ACOX3: variants seen among roughly 807,000 people sequenced by gnomAD.
The protein encoded by ACOX3 is acyl-CoA oxidase 3, pristanoyl, also known as peroxisomal acyl-coenzyme A oxidase 3.
In ACOX3, 73 loss-of-function variants were observed where a neutral mutation model predicts 81.5. The observed-to-expected ratio is 0.90, with a 90% confidence interval of 0.74 to 1.09. The LOEUF is 1.09. ACOX3 is among the 50% of genes least tolerant of loss of function. The probability of loss-of-function intolerance (pLI) is 0.00; values close to 1 mark genes in which losing one functional copy is unlikely to be tolerated. For missense variants in ACOX3, 947 were observed against 928.0 expected (o/e 1.02, Z -0.27); for synonymous variants, 387 against 375.1 (o/e 1.03, Z -0.37).
At chr4:8,356,986 C>A in the ACOX3 span, 1 of 454,176 alleles carries the variant, frequency 2.2e-6, no homozygotes, top group East Asian at 7.0e-5. Flanking sequence ...ATGACCCTGG[C>A]AGATGAGGGG....
chr4:8,411,624 C>T (rs539396031), intron 5 of ACOX3, among the ~76,000 whole-genome samples: 15 of 152,344 alleles, frequency 9.8e-5, no homozygotes, highest in African/African-American at 2.9e-4. Flanking sequence ...CGGCCCAAGC[C>T]GGCTCCTCGG....
rs149489764 is a variant in ACOX3 at position 8,373,409 on chromosome 4, G to A, written c.1896+152C>T. 1.8e-3 allele frequency: 1,368 copies of A among 761,314 alleles called. 3 individuals carry two copies. The highest frequency in any genetic ancestry group is 2.5e-3 in the Non-Finnish European group (1,142 of 460,166). 47.2% of individuals were successfully genotyped at this position (761,314 alleles called of 1,614,324 possible). On this transcript the variant is annotated intron_variant, in intron 16 of 17. Coordinates refer to ENST00000356406, the MANE Select transcript of ACOX3 (RefSeq NM_003501.3). ...CGTGTCGGTCTGGGTAAGGGGGTGC[G>A]TGTAGGCTCTGGGTGACGCTAAGGG...
chr4:8,372,383 A>C (rs1006027477), intron 16 of ACOX3, among the ~76,000 whole-genome samples: 1 of 152,192 alleles, frequency 6.6e-6, no homozygotes, highest in Non-Finnish European at 1.5e-5. Context: ...TACAGGAATG[A>C]GCCACCACAC....
chr4:8,436,134 G>A (rs1724224465), intron 1 of ACOX3: 1 of 152,106 alleles, frequency 6.6e-6, no homozygotes, highest in African/African-American at 2.4e-5. Context: ...TACTAAACTG[G>A]AAACACCCTG....
chr4:8,372,260 A>G (rs1716307522), intron 16 of ACOX3, among the ~76,000 whole-genome samples: 1 of 152,126 alleles, frequency 6.6e-6, no homozygotes. Context: ...AAGCCTGGCT[A>G]ATTTTTTAAA....
rs1718205351 is a variant in ACOX3 at position 8,385,553 on chromosome 4, G to T, written c.1537+3620C>A. ...CCCACTGCAGGAAGCAACAGCACAG[G>T]CCCCCAAGGCACAGGGCTGTGACAC... On this transcript the variant is annotated intron_variant, in intron 13 of 17. Transcript: ENST00000356406. This position sits in a 1 kb window ranked among gnomAD's most constrained non-coding sequence, Gnocchi z 5.5. Among the ~76,000 whole-genome samples, 1 of 152,222 alleles carries T rather than the reference G, an allele frequency of 6.6e-6. No individual in the cohort carries two copies. The highest frequency in any genetic ancestry group is 2.4e-5 in the African/African-American group (1 of 41,460).
rs567626859 is a variant in ACOX3 at position 8,396,979 on chromosome 4, G to A, written c.1014C>T (p.Pro338=). ...GCACTGGTATTTCCTCCTCCTCTGT[G>A]GGTCCAAACTGACGCCGAGTGGCTG... ...RFSATRRQFG[P]TEEEEIPVLE... is the part of the protein sequence containing the mutation. Residue 338 remains proline (P), a synonymous_variant, in exon 9 of 18, where the codon CCC becomes CCT. Coordinates refer to ENST00000356406, the MANE Select transcript of ACOX3 (RefSeq NM_003501.3). 10 of 1,611,828 alleles carry A rather than the reference G, an allele frequency of 6.2e-6. No homozygotes were observed. Among genetic ancestry groups the A allele is most frequent in the Non-Finnish European group, 7.6e-6 (9 of 1,179,254 alleles).
chr4:8,372,807 C>T (rs185484123), intron 16 of ACOX3, among the ~76,000 whole-genome samples: 5 of 152,340 alleles, frequency 3.3e-5, no homozygotes, highest in Admixed American at 3.3e-4. Context: ...GCACTCAGTC[C>T]AGTTCCTAGC....
At chr4:8,418,517 T>A (rs1722586948) in intron 1 of ACOX3, among the ~76,000 whole-genome samples, 2 of 145,326 alleles carry the variant, frequency 1.4e-5, no homozygotes, top group South Asian at 2.2e-4. Flanking sequence ...AAAAACCAAT[T>A]AAAAAATGGG....
chr4:8,378,673 A>G (rs1371333924), intron 14 of ACOX3, among the ~76,000 whole-genome samples: 1 of 152,240 alleles, frequency 6.6e-6, no homozygotes, highest in Non-Finnish European at 1.5e-5. Flanking sequence ...TTTTGTATCT[A>G]CTGGCTGTTG....
At chr4:8,425,588 C>T (rs201960075) in intron 1 of ACOX3, among the ~76,000 whole-genome samples, 2 of 149,836 alleles carry the variant, frequency 1.3e-5, no homozygotes, top group East Asian at 2.0e-4. Flanking sequence ...AATCCCCTGC[C>T]TTATCGCCAA....
intron 6 of ACOX3, among the ~76,000 whole-genome samples, chr4:8,408,891 T>TGGGGGGGGGGG (rs200811549): frequency 7.8e-5 from 2 of 25,790 alleles, no homozygotes; most frequent in Admixed American, 4.9e-4. Context: ...GAGCCCTCAC[T>TGGGGGGGGGGG]GGGGGGGGGG....
intron 8 of ACOX3, among the ~76,000 whole-genome samples, chr4:8,397,350 C>T (rs1460032805): frequency 6.6e-6 from 1 of 152,194 alleles, no homozygotes; most frequent in African/African-American, 2.4e-5. Flanking sequence ...CACCCAGCTG[C>T]CTGGAGAAGG....
intron 6 of ACOX3, among the ~76,000 whole-genome samples, chr4:8,408,132 C>T (rs925720619): frequency 3.3e-5 from 5 of 152,114 alleles, no homozygotes; most frequent in Admixed American, 3.3e-4. Flanking sequence ...TCTGTCAATT[C>T]ACCATCTAAC....
At chr4:8,433,960 G>C (rs370340018) in intron 1 of ACOX3, among the ~76,000 whole-genome samples, 1 of 152,248 alleles carries the variant, frequency 6.6e-6, no homozygotes, top group East Asian at 1.9e-4. Flanking sequence ...AAGACAGGAG[G>C]AAAGAGAGAA....
At chr4:8,404,295 G>C (rs941153471) in intron 7 of ACOX3, among the ~76,000 whole-genome samples, 1 of 152,212 alleles carries the variant, frequency 6.6e-6, no homozygotes, top group African/African-American at 2.4e-5. Context: ...ACAGCCGCAG[G>C]TCGGGGTGGC....
intron 1 of ACOX3, among the ~76,000 whole-genome samples, chr4:8,421,233 C>T (rs1722907012): frequency 6.6e-6 from 1 of 152,202 alleles, no homozygotes; most frequent in African/African-American, 2.4e-5. Context: ...AAATACTGGG[C>T]ACCTGTTGGC....
At chr4:8,436,768 G>A (rs1462514177) in intron 1 of ACOX3, among the ~76,000 whole-genome samples, 1 of 151,568 alleles carries the variant, frequency 6.6e-6, no homozygotes, top group African/African-American at 2.4e-5. Flanking sequence ...CAGATCAAGA[G>A]GTCAGGAGAT....
In ACOX3 at chr4:8,431,266, CCT is replaced by C. The variant is rs1723935817; in HGVS notation, c.-15+9380_-15+9381del. ...GCTGGCCTGTAGCAAGTTTTGGCCC[CCT>C]GACTTCACTCTCTCCATTTAGTTTC... On this transcript the variant is annotated intron_variant, in intron 1 of 17. Transcript: ENST00000356406. The surrounding 1 kb of genome is among the most constrained non-coding windows in gnomAD (Gnocchi z 5.3). Among the ~76,000 whole-genome samples, 1 of 152,190 alleles carries C rather than the reference CCT, an allele frequency of 6.6e-6. No homozygotes were observed. Among genetic ancestry groups the C allele is most frequent in the Admixed American group, 6.5e-5 (1 of 15,284 alleles).
Sources: allele counts gnomAD v4.1 joint callset (sites outside exome capture counted in the v4.1 genomes callset), GRCh38; gene constraint gnomAD v4.1.1; non-coding constraint Gnocchi (gnomAD v3.1); transcripts MANE v1.5; gene names NCBI Gene and HGNC (gene_info 2026-07-23, HGNC 2026-07-21).